OLFM3: variants seen among roughly 807,000 people sequenced by gnomAD.
OLFM3 encodes the protein noelin-3.
In OLFM3, 20 loss-of-function variants were observed where a neutral mutation model predicts 48.6. The ratio of observed to expected loss-of-function variants is 0.41; its 90% confidence interval spans 0.29 to 0.60. OLFM3 has a LOEUF of 0.60. Ranked by LOEUF, OLFM3 falls within the 20% of genes least tolerant of loss-of-function variation. The pLI, the probability that OLFM3 is intolerant of heterozygous loss-of-function variation, is 0.28. For missense variants in OLFM3, 437 were observed against 544.3 expected (o/e 0.80, Z 1.96); for synonymous variants, 222 against 198.1 (o/e 1.12, Z -1.01).
chr1:101,951,051 G>A (rs769609797), intron 1 of OLFM3, among the ~76,000 whole-genome samples: 2 of 152,144 alleles, frequency 1.3e-5, no homozygotes, highest in African/African-American at 4.8e-5. Context: ...GGATACCTGA[G>A]CATGTAGTAA....
At chr1:101,822,685 T>C (rs1376163249) in intron 4 of OLFM3, among the ~76,000 whole-genome samples, 1 of 152,168 alleles carries the variant, frequency 6.6e-6, no homozygotes, top group Non-Finnish European at 1.5e-5. Context: ...TAATTCTTCA[T>C]TTGAGATTTA....
At chr1:101,833,275 T>C (rs1448533234) in intron 2 of OLFM3, among the ~76,000 whole-genome samples, 9 of 152,242 alleles carry the variant, frequency 5.9e-5, no homozygotes, top group African/African-American at 2.2e-4. Flanking sequence ...TGCAGAATCA[T>C]GTGTAATTAG....
intron 1 of OLFM3, among the ~76,000 whole-genome samples, chr1:101,992,563 G>T (rs1003599849): frequency 6.6e-6 from 1 of 151,588 alleles, no homozygotes; most frequent in Admixed American, 6.6e-5. Flanking sequence ...GAGAGAAACA[G>T]GAAAAGACAG....
chr1:101,845,138 GTTC>G (rs1655927266), intron 1 of OLFM3, among the ~76,000 whole-genome samples: 1 of 151,578 alleles, frequency 6.6e-6, no homozygotes, highest in African/African-American at 2.4e-5. Flanking sequence ...TTCTGCTTTT[GTTC>G]TTCTTCTTAT....
At chr1:101,980,540 C>T (rs1661080199) in intron 1 of OLFM3, among the ~76,000 whole-genome samples, 2 of 152,128 alleles carry the variant, frequency 1.3e-5, no homozygotes, top group African/African-American at 4.8e-5. Flanking sequence ...AAAAGGTGCC[C>T]ACCTCTCCTT....
intron 1 of OLFM3, among the ~76,000 whole-genome samples, chr1:101,991,016 A>AAAAAAATATAT (rs1553186119): frequency 8.1e-4 from 26 of 32,204 alleles, no homozygotes; most frequent in East Asian, 1.3e-3. Context: ...AAAAAAAAAA[A>AAAAAAATATAT]ATATATATAT....
intron 1 of OLFM3, among the ~76,000 whole-genome samples, chr1:101,976,968 G>A (rs1660972492): frequency 6.6e-6 from 1 of 152,008 alleles, no homozygotes; most frequent in Non-Finnish European, 1.5e-5. Flanking sequence ...TATCCCCCTA[G>A]CTCATGGACA....
rs1000926796 is a variant in OLFM3 at position 101,806,160 on chromosome 1, G to A, written c.615C>T (p.Ile205=). Residue 205 remains isoleucine, a synonymous_variant, in exon 5 of 6, where the codon ATC becomes ATT. Coordinates refer to ENST00000370103, the MANE Select transcript of OLFM3 (RefSeq NM_058170.4). ...KKLTCGKLMK[I]TGPVTVKTSG... is the part of the protein sequence containing the mutation. Reference sequence around the variant, plus strand: ...ATGTCTTGACTGTAACTGGGCCTGTGATTTTCATCAGTTTGCCACATGCTG... The same window carrying A: ...ATGTCTTGACTGTAACTGGGCCTGTAATTTTCATCAGTTTGCCACATGCTG... 1 of 1,611,796 alleles carries A rather than the reference G, an allele frequency of 6.2e-7. No individual in the cohort carries two copies. Among genetic ancestry groups the A allele is most frequent in the Non-Finnish European group, 8.5e-7 (1 of 1,178,590 alleles).
At chr1:101,851,192 G>T (rs549530681) in intron 1 of OLFM3, among the ~76,000 whole-genome samples, 8 of 152,178 alleles carry the variant, frequency 5.3e-5, no homozygotes, top group African/African-American at 1.9e-4. Context: ...ACCCTCTGTG[G>T]CACCTTAAAA....
intron 1 of OLFM3, among the ~76,000 whole-genome samples, chr1:101,915,343 T>A (rs1658887599): frequency 6.6e-6 from 1 of 150,964 alleles, no homozygotes; most frequent in African/African-American, 2.5e-5. Flanking sequence ...GTACATTTAA[T>A]CCTCTTGGGA....
At chr1:101,901,043 T>C (rs934523364) in intron 1 of OLFM3, among the ~76,000 whole-genome samples, 1 of 152,090 alleles carries the variant, frequency 6.6e-6, no homozygotes, top group Non-Finnish European at 1.5e-5. Context: ...TTCAATAATA[T>C]AATTTATTAT....
chr1:101,899,099 G>C (rs534452285), intron 1 of OLFM3, among the ~76,000 whole-genome samples: 268 of 152,238 alleles, frequency 1.8e-3, no homozygotes, highest in Non-Finnish European at 3.0e-3. Flanking sequence ...AGCTCAGCTG[G>C]GAGGCTCTAC....
At chr1:101,912,302 C>T (rs1658786612) in intron 1 of OLFM3, among the ~76,000 whole-genome samples, 1 of 152,144 alleles carries the variant, frequency 6.6e-6, no homozygotes. Flanking sequence ...CTTTAAATCT[C>T]AACTAATAGG....
At chr1:101,869,448 G>A (rs1407856264) in intron 1 of OLFM3, among the ~76,000 whole-genome samples, 2 of 152,194 alleles carry the variant, frequency 1.3e-5, no homozygotes, top group African/African-American at 4.8e-5. Flanking sequence ...TATCTAGGAA[G>A]TAACTAATAT....
intron 1 of OLFM3, among the ~76,000 whole-genome samples, chr1:101,906,416 A>C (rs918862876): frequency 6.6e-6 from 1 of 152,054 alleles, no homozygotes; most frequent in African/African-American, 2.4e-5. Flanking sequence ...TTATGTTACC[A>C]AAGAGATTAT....
chr1:101,824,969 A>G (rs1326284820), intron 4 of OLFM3, 57 bp downstream of exon 4: 6 of 1,459,212 alleles, frequency 4.1e-6, no homozygotes, highest in Non-Finnish European at 5.7e-6. Flanking sequence ...TAAGAGCACA[A>G]TTTTCTTTGA....
At position 101,975,987 on chromosome 1, in the gene OLFM3, G is replaced by A. The variant is rs552787746; in HGVS notation, c.69+20761C>T. On this transcript the variant is annotated intron_variant, in intron 1 of 5. Transcript: ENST00000370103. The stretch of plus-strand genomic sequence containing the variant: ...AAGGATTTTCTGCAAGTTAACAAAA[G>A]CCTAGCTATACTTAAGTGGACATTA... Among the ~76,000 whole-genome samples, 24 of 152,228 alleles carry A rather than the reference G, an allele frequency of 1.6e-4. 1 individual carries two copies. The East Asian group carries it at 4.6e-3, about 29-fold the overall frequency.
At chr1:101,874,490 T>A (rs1032175197) in intron 1 of OLFM3, among the ~76,000 whole-genome samples, 3 of 149,746 alleles carry the variant, frequency 2.0e-5, no homozygotes, top group Admixed American at 1.3e-4. Flanking sequence ...ATTCTAATAA[T>A]ATAATAATAA....
At chr1:101,906,274 G>A (rs1331439159) in intron 1 of OLFM3, among the ~76,000 whole-genome samples, 1 of 151,792 alleles carries the variant, frequency 6.6e-6, no homozygotes, top group Non-Finnish European at 1.5e-5. Context: ...GTTTACAAAT[G>A]ACACAGACCT....
Sources: gnomAD v4.1 joint callset for allele counts (sites outside exome capture counted in the v4.1 genomes callset) on GRCh38, gnomAD v4.1.1 for gene constraint, MANE v1.5 for transcripts, NCBI Gene and HGNC (gene_info 2026-07-23, HGNC 2026-07-21) for gene names.